The following HELZ variants were observed in gnomAD, a reference collection of about 807,000 sequenced individuals.
The protein encoded by HELZ is ATP-dependent RNA helicase with zinc finger domain.
In HELZ, 23 loss-of-function variants were observed where a neutral mutation model predicts 218.2. That is an observed-to-expected ratio of 0.11 (90% CI 0.08 to 0.15). The LOEUF is 0.15. Among genes scored for constraint, HELZ ranks in the 10% least tolerant of loss-of-function variants. The probability of loss-of-function intolerance (pLI) is 1.00; values close to 1 mark genes in which losing one functional copy is unlikely to be tolerated. For missense variants in HELZ, 1,813 were observed against 2,353.7 expected, an observed-to-expected ratio of 0.77 and a Z score of 4.75; for synonymous variants, 814 against 829.4, an observed-to-expected ratio of 0.98 and a Z score of 0.32.
intron 5 of HELZ, among the ~76,000 whole-genome samples, chr17:67,211,332 T>C (rs2040444810): frequency 6.6e-6 from 1 of 152,168 alleles, no homozygotes; most frequent in Non-Finnish European, 1.5e-5. Context: ...TTATATCAAT[T>C]CTATTATGCT....
rs367917238 is a variant in HELZ at position 67,189,537 on chromosome 17, G to A, written c.864+52C>T. The stretch of plus-strand genomic sequence containing the variant: ...ACAGAGATTCAAAGGTCAAAAAAAC[G>A]TTCAGAAAATTAAACACAACTTTTA... On this transcript the variant is annotated intron_variant, in intron 11 of 32. Coordinates refer to ENST00000358691, the MANE Select transcript of HELZ (RefSeq NM_014877.4). The A allele has an allele frequency of 2.1e-5, 25 of 1,174,488 alleles. No homozygotes were observed. In the African/African-American group the frequency reaches 2.3e-4, roughly 11 times the overall value. 72.8% of individuals were successfully genotyped at this position (1,174,488 alleles called of 1,614,324 possible).
At chr17:67,223,183 C>T (rs1393779599) in intron 3 of HELZ, among the ~76,000 whole-genome samples, 1 of 151,808 alleles carries the variant, frequency 6.6e-6, no homozygotes, top group Non-Finnish European at 1.5e-5. Context: ...TGGCATGAAC[C>T]CGGGAGGCAG....
chr17:67,139,800 C>T (rs923531343), intron 21 of HELZ, among the ~76,000 whole-genome samples: 16 of 152,194 alleles, frequency 1.1e-4, no homozygotes, highest in Non-Finnish European at 2.2e-4. Flanking sequence ...TCCCATCGCC[C>T]TAGCTCCCTC....
intron 20 of HELZ, among the ~76,000 whole-genome samples, chr17:67,147,628 C>T (rs2038541610): frequency 6.6e-6 from 1 of 151,822 alleles, no homozygotes; most frequent in African/African-American, 2.4e-5. Flanking sequence ...CAGGTGCATG[C>T]CACCATGCCC....
chr17:67,097,822 A>C (rs13341882), intron 31 of HELZ, among the ~76,000 whole-genome samples: 12,990 of 152,240 alleles, frequency 0.085, 1,808 homozygotes, highest in African/African-American at 0.29. Flanking sequence ...CAACTATTTG[A>C]ATTTTCTCTG....
At chr17:67,233,076 G>C (rs1598473740) in intron 3 of HELZ, among the ~76,000 whole-genome samples, 2 of 152,268 alleles carry the variant, frequency 1.3e-5, no homozygotes, top group Admixed American at 6.5e-5. Context: ...AGAGGTTGCA[G>C]TGAGTCGAGA....
chr17:67,137,471 T>TAA (rs1238059045), intron 22 of HELZ, among the ~76,000 whole-genome samples: 1 of 152,212 alleles, frequency 6.6e-6, no homozygotes, highest in Admixed American at 6.5e-5. Flanking sequence ...AGGCTTCAAT[T>TAA]AGAGTTCACA....
chr17:67,126,716 C>G (rs1242543409), intron 24 of HELZ, among the ~76,000 whole-genome samples: 1 of 151,562 alleles, frequency 6.6e-6, no homozygotes, highest in Non-Finnish European at 1.5e-5. Context: ...CACAAAACTA[C>G]TGGGCATGGT....
intron 3 of HELZ, among the ~76,000 whole-genome samples, chr17:67,220,332 G>A (rs2040711415): frequency 6.6e-6 from 1 of 152,118 alleles, no homozygotes; most frequent in Non-Finnish European, 1.5e-5. Flanking sequence ...GAGATTCTTG[G>A]TCTACCAAAA....
intron 31 of HELZ, among the ~76,000 whole-genome samples, chr17:67,103,654 GTTGCAATACTCCCCAAA>G (rs2036997626): frequency 1.3e-5 from 2 of 152,168 alleles, no homozygotes; most frequent in African/African-American, 4.8e-5. Context: ...TATTGTTAAG[GTTGCAATACTCCCCAAA>G]TTAATCTAGA....
At chr17:67,153,676 C>G (rs758678094) in intron 17 of HELZ, among the ~76,000 whole-genome samples, 5 of 152,200 alleles carry the variant, frequency 3.3e-5, no homozygotes, top group African/African-American at 2.4e-5. Context: ...GAAGCCCCCC[C>G]ACTTCCCTTC....
intron 16 of HELZ, 55 bp from the exon 17 acceptor site, chr17:67,160,417 G>C: frequency 8.2e-7 from 1 of 1,225,392 alleles, no homozygotes. Context: ...AACTATTCAA[G>C]CAGTATAATA....
chr17:67,090,397 T>C (rs1200641877), intron 31 of HELZ, among the ~76,000 whole-genome samples: 1 of 152,170 alleles, frequency 6.6e-6, no homozygotes, highest in Non-Finnish European at 1.5e-5. Context: ...CTAGTTTTGG[T>C]ATCAGAGTAA....
chr17:67,100,843 G>T (rs1250996575), intron 31 of HELZ, among the ~76,000 whole-genome samples: 2 of 152,144 alleles, frequency 1.3e-5, no homozygotes, highest in Non-Finnish European at 2.9e-5. Context: ...GCTCACACCT[G>T]TAATCCCAGC....
intron 21 of HELZ, among the ~76,000 whole-genome samples, chr17:67,139,966 G>A (rs1567834240): frequency 6.6e-6 from 1 of 152,202 alleles, no homozygotes; most frequent in Non-Finnish European, 1.5e-5. Context: ...GGGTGGCAGT[G>A]CAGTCCCTCT....
intron 25 of HELZ, among the ~76,000 whole-genome samples, chr17:67,123,572 G>C (rs1169112428): frequency 6.6e-6 from 1 of 152,062 alleles, no homozygotes; most frequent in Non-Finnish European, 1.5e-5. Context: ...TTAAAAGCAC[G>C]ACTATGCAAT....
chr17:67,129,413 G>A (rs1427060657), intron 23 of HELZ, among the ~76,000 whole-genome samples: 1 of 151,942 alleles, frequency 6.6e-6, no homozygotes, highest in Non-Finnish European at 1.5e-5. Context: ...ACATGTATGT[G>A]TAATCTATGT....
chr17:67,181,080 ACT>A (rs1041662252), intron 12 of HELZ, among the ~76,000 whole-genome samples: 4 of 151,786 alleles, frequency 2.6e-5, no homozygotes, highest in African/African-American at 9.7e-5. Context: ...TAAATACTAA[ACT>A]CTACATAATA....
Position 67,199,282 on chromosome 17 carries a change from A to G in HELZ, c.429+1847T>C, listed in dbSNP as rs565497649. Among the ~76,000 whole-genome samples, 3 of 143,352 alleles carry G rather than the reference A, an allele frequency of 2.1e-5. No homozygotes were observed. The South Asian group carries it at 6.5e-4, about 31-fold the overall frequency. The allele number at this position is 143,352 out of a possible 152,430, so 94.0% of individuals were successfully genotyped here. ...GGCTGGAATACAGTGGTGCAATCTC[A>G]GCTCACTGCAACTTCCGCCTCCTGG... On this transcript the variant is annotated intron_variant, in intron 7 of 32. Coordinates refer to ENST00000358691, the MANE Select transcript of HELZ (RefSeq NM_014877.4).
Sources: allele counts gnomAD v4.1 joint callset (sites outside exome capture counted in the v4.1 genomes callset), GRCh38; gene constraint gnomAD v4.1.1; transcripts MANE v1.5; gene names NCBI Gene and HGNC (gene_info 2026-07-23, HGNC 2026-07-21).